The following STXBP4 variants were observed in gnomAD, a reference collection of about 807,000 sequenced individuals.
The protein encoded by STXBP4 is syntaxin-binding protein 4.
In STXBP4, 55 loss-of-function variants were observed where a neutral mutation model predicts 76.1. The observed-to-expected ratio is 0.72, with a 90% CI of 0.58 to 0.91. The LOEUF (loss-of-function observed/expected upper bound fraction) is 0.91, where lower values mean the gene tolerates loss of function less well. Among genes scored for constraint, STXBP4 ranks in the 40% least tolerant of loss-of-function variants. The pLI, the probability that STXBP4 is intolerant of heterozygous loss-of-function variation, is 0.00. For synonymous variants in STXBP4, 201 were observed against 220.2 expected (o/e 0.91, Z 0.77); for missense variants, 618 against 636.9 (o/e 0.97, Z 0.32).
At chr17:55,184,718 G>A in the STXBP4 span, among the ~76,000 whole-genome samples, 1 of 152,320 alleles carries the variant, frequency 6.6e-6, no homozygotes, top group South Asian at 2.1e-4. Context: ...AAGCTAAAGA[G>A]ACCTAACTAA....
intron 16 of STXBP4, among the ~76,000 whole-genome samples, chr17:55,136,339 T>A (rs1392891532): frequency 6.6e-6 from 1 of 152,146 alleles, no homozygotes; most frequent in Non-Finnish European, 1.5e-5. Flanking sequence ...GCCACAGTAG[T>A]ATGTTTGAGC....
chr17:54,986,151 A>C lies in STXBP4; in HGVS notation c.-69A>C. The C allele has an allele frequency of 7.5e-7, 1 of 1,341,966 alleles. No homozygotes were observed. Among genetic ancestry groups the C allele is most frequent in the Non-Finnish European group, 1.0e-6 (1 of 954,010 alleles). The allele number at this position is 1,341,966 out of a possible 1,614,324, so 83.1% of individuals were successfully genotyped here. ...ACTTCTTCAATCCTAGGAAAAGAAG[A>C]ATTTCTAGACTCTTCATCAAGATCT... On this transcript the variant is annotated 5_prime_UTR_variant, in exon 3 of 18. Transcript: ENST00000376352.
At position 55,078,744 on chromosome 17, in the gene STXBP4, A is replaced by C. The variant is rs750651828; in HGVS notation, c.1355+9A>C. The C allele has an allele frequency of 6.8e-7, 1 of 1,467,646 alleles. No individual in the cohort carries two copies. The highest frequency in any genetic ancestry group is 2.3e-5 in the East Asian group (1 of 44,068). 90.9% of individuals were successfully genotyped at this position (1,467,646 alleles called of 1,614,324 possible). On this transcript the variant is annotated intron_variant, in intron 15 of 17. Coordinates refer to ENST00000376352, the MANE Select transcript of STXBP4 (RefSeq NM_178509.6). ...CCTTTATCAAATTTAAGGTAAGAAA[A>C]TTTAAGTGCTTTTTGCAGAATATGG...
intron 1 of STXBP4, among the ~76,000 whole-genome samples, chr17:54,973,787 T>C (rs1456173132): frequency 6.6e-6 from 1 of 152,206 alleles, no homozygotes; most frequent in African/African-American, 2.4e-5. Flanking sequence ...GGTAGAGGTG[T>C]TAATTACACA....
intron 16 of STXBP4, among the ~76,000 whole-genome samples, chr17:55,131,285 A>G (rs1158333584): frequency 2.6e-5 from 4 of 152,142 alleles, no homozygotes; most frequent in Non-Finnish European, 5.9e-5. Flanking sequence ...AATCACTTTT[A>G]TACATCTGTT....
intron 8 of STXBP4, among the ~76,000 whole-genome samples, chr17:55,017,328 C>T (rs1176053167): frequency 1.3e-5 from 2 of 152,070 alleles, no homozygotes; most frequent in African/African-American, 4.8e-5. Context: ...TGATGGGGAA[C>T]GGATCCTACA....
At chr17:55,152,195 T>A (rs766500095) in intron 17 of STXBP4, among the ~76,000 whole-genome samples, 1 of 152,188 alleles carries the variant, frequency 6.6e-6, no homozygotes, top group Non-Finnish European at 1.5e-5. Context: ...AATGTATCCA[T>A]GCATCAAATA....
intron 12 of STXBP4, among the ~76,000 whole-genome samples, chr17:55,059,712 A>G (rs1276701086): frequency 6.6e-6 from 1 of 151,866 alleles, no homozygotes; most frequent in Non-Finnish European, 1.5e-5. Context: ...TCCCAGATCT[A>G]TAGAATCAGA....
chr17:55,198,744 G>A, the STXBP4 span, among the ~76,000 whole-genome samples: 2 of 152,142 alleles, frequency 1.3e-5, no homozygotes, highest in Admixed American at 1.3e-4. Context: ...CAGAATTCTT[G>A]CTTTGAAATG....
At chr17:55,148,696 A>T (rs1281786911) in intron 17 of STXBP4, among the ~76,000 whole-genome samples, 2 of 152,026 alleles carry the variant, frequency 1.3e-5, no homozygotes, top group Non-Finnish European at 2.9e-5. Context: ...CAGCCATCAC[A>T]CCTGGCTAAT....
At chr17:55,155,605 T>A (rs1330977074) in intron 17 of STXBP4, among the ~76,000 whole-genome samples, 2 of 151,836 alleles carry the variant, frequency 1.3e-5, no homozygotes, top group Admixed American at 1.3e-4. Context: ...ATATGCAAAT[T>A]CACAATGATG....
intron 16 of STXBP4, among the ~76,000 whole-genome samples, chr17:55,111,171 A>G (rs959356146): frequency 4.6e-5 from 7 of 152,130 alleles, no homozygotes; most frequent in Non-Finnish European, 5.9e-5. Flanking sequence ...GTAGCCTTCA[A>G]TACATAAATT....
chr17:55,038,967 T>C (rs989616191), intron 10 of STXBP4, among the ~76,000 whole-genome samples: 1 of 152,172 alleles, frequency 6.6e-6, no homozygotes, highest in African/African-American at 2.4e-5. Context: ...GATCATAGTA[T>C]GTATCATATT....
At chr17:54,980,489 C>T (rs889104697) in intron 1 of STXBP4, among the ~76,000 whole-genome samples, 1 of 152,196 alleles carries the variant, frequency 6.6e-6, no homozygotes, top group African/African-American at 2.4e-5. Context: ...AATGAAAGTA[C>T]TCTCCACAGA....
intron 8 of STXBP4, among the ~76,000 whole-genome samples, chr17:55,030,190 T>C (rs779243895): frequency 1.3e-5 from 2 of 152,176 alleles, no homozygotes; most frequent in African/African-American, 2.4e-5. Flanking sequence ...AGGGCTGCCG[T>C]GGAGGTTTCA....
downstream of STXBP4, among the ~76,000 whole-genome samples, chr17:55,173,851 T>C (rs1000305752): frequency 2.0e-5 from 3 of 152,232 alleles, no homozygotes; most frequent in Non-Finnish European, 4.4e-5. Context: ...TGTATTTCTT[T>C]CTGGTGGCCG....
chr17:54,975,169 C>T (rs1296871147), intron 1 of STXBP4, among the ~76,000 whole-genome samples: 1 of 152,150 alleles, frequency 6.6e-6, no homozygotes, highest in Non-Finnish European at 1.5e-5. Flanking sequence ...GACGGAGTCT[C>T]ACTCTGTCAC....
At chr17:55,120,550 T>G (rs769055232) in intron 16 of STXBP4, among the ~76,000 whole-genome samples, 1 of 152,212 alleles carries the variant, frequency 6.6e-6, no homozygotes, top group Non-Finnish European at 1.5e-5. Flanking sequence ...GCAAGTATCT[T>G]GGACAATTAG....
chr17:54,999,681 A>G lies in STXBP4; in HGVS notation c.337A>G (p.Ile113Val). Residue 113 changes from isoleucine (I) to valine (V), a missense_variant, in exon 6 of 18, where the codon ATT (isoleucine) becomes GTT (valine). Physicochemically the swap from Ile to Val is conservative, Grantham distance 29 (BLOSUM62 3). Transcript: ENST00000376352. ...ATTCATAAGACAAAAATCCGACAAC[A>G]TTCAGCCAGAAAATCTGTCATGTAC... is the stretch of plus-strand genomic sequence containing the variant. ...IAFIRQKSDN[I>V]QPENLSCTSL... 6.2e-7 allele frequency: 1 copy of G among 1,613,782 alleles called. No homozygotes were observed. Among genetic ancestry groups the G allele is most frequent in the Non-Finnish European group, 8.5e-7 (1 of 1,179,836 alleles).
Sources: gnomAD v4.1 joint callset for allele counts (sites outside exome capture counted in the v4.1 genomes callset) on GRCh38, gnomAD v4.1.1 for gene constraint, MANE v1.5 for transcripts, NCBI Gene and HGNC (gene_info 2026-07-23, HGNC 2026-07-21) for gene names.